Variants in THSD7B observed in about 807,000 individuals in gnomAD.
The protein encoded by THSD7B is thrombospondin type 1 domain containing 7B.
In THSD7B, 138 loss-of-function variants were observed where a neutral mutation model predicts 213.6. That is an observed-to-expected ratio of 0.65 (90% CI 0.56 to 0.74). The LOEUF (loss-of-function observed/expected upper bound fraction) is 0.74. Among genes scored for constraint, THSD7B ranks in the 30% least tolerant of loss-of-function variants. The pLI, the probability that THSD7B is intolerant of heterozygous loss-of-function variation, is 0.00. For synonymous variants in THSD7B, 742 were observed against 687.0 expected, an observed-to-expected ratio of 1.08 and a Z score of -1.25; for missense variants, 1,931 against 1,991.5, an observed-to-expected ratio of 0.97 and a Z score of 0.58.
rs1680348002 is a variant in THSD7B, at chr2:137,175,813, T to A, written c.1723+4875T>A. Among the ~76,000 whole-genome samples the A allele has an allele frequency of 3.3e-5, 5 of 152,318 alleles. No homozygotes were observed. In the South Asian group the frequency reaches 1.0e-3, roughly 32 times the overall value. Reference sequence around the variant, plus strand: ...CGTCTGTGATTGGAGTTGAAAGTTTTGTTTTGTTTGTTTGTTTTATTTTTA... The same window carrying A: ...CGTCTGTGATTGGAGTTGAAAGTTTAGTTTTGTTTGTTTGTTTTATTTTTA... On this transcript the variant is annotated intron_variant, in intron 7 of 27. Coordinates refer to ENST00000409968, the MANE Select transcript of THSD7B (RefSeq NM_001316349.2).
At chr2:136,947,655 C>T (rs13429896) in intron 2 of THSD7B, among the ~76,000 whole-genome samples, 11,283 of 152,258 alleles carry the variant, frequency 0.074, 677 homozygotes, top group African/African-American at 0.16. Flanking sequence ...CTTCTGTCTG[C>T]CACAGGTGAC....
At chr2:137,051,295 G>A (rs969383440) in intron 2 of THSD7B, among the ~76,000 whole-genome samples, 5 of 152,110 alleles carry the variant, frequency 3.3e-5, no homozygotes, top group African/African-American at 7.2e-5. Context: ...TACACTACTC[G>A]TCAAGTAACA....
chr2:137,313,835 C>T (rs972721784), intron 12 of THSD7B, among the ~76,000 whole-genome samples: 36 of 152,204 alleles, frequency 2.4e-4, no homozygotes, highest in African/African-American at 8.4e-4. Flanking sequence ...AATATTGGCC[C>T]CCGCTCTCTT....
At chr2:137,248,687 A>G (rs979317768) in intron 10 of THSD7B, among the ~76,000 whole-genome samples, 14 of 152,122 alleles carry the variant, frequency 9.2e-5, no homozygotes, top group South Asian at 4.2e-4. Flanking sequence ...AACCATCCAC[A>G]CCTTTGTTCA....
chr2:137,102,211 T>A (rs934887412), intron 4 of THSD7B, among the ~76,000 whole-genome samples: 1 of 152,222 alleles, frequency 6.6e-6, no homozygotes, highest in Non-Finnish European at 1.5e-5. Flanking sequence ...AGCAATCTGC[T>A]GTTCTGCAGC....
intron 3 of THSD7B, among the ~76,000 whole-genome samples, chr2:137,078,590 T>C (rs750511929): frequency 5.3e-5 from 8 of 152,148 alleles, no homozygotes; most frequent in African/African-American, 9.6e-5. Flanking sequence ...TATTTTTATA[T>C]TCTTTACCTC....
At chr2:137,441,403 A>G (rs1241977934) in intron 14 of THSD7B, among the ~76,000 whole-genome samples, 1 of 152,074 alleles carries the variant, frequency 6.6e-6, no homozygotes, top group Non-Finnish European at 1.5e-5. Context: ...TTGACTTATA[A>G]ACATTTGGGG....
At chr2:137,579,152 C>G (rs1681523569) in intron 17 of THSD7B, among the ~76,000 whole-genome samples, 1 of 152,074 alleles carries the variant, frequency 6.6e-6, no homozygotes, top group Non-Finnish European at 1.5e-5. Context: ...ATTTTATTTT[C>G]AAAATGGTAG....
At chr2:137,630,654 C>T (rs2104851938) in intron 20 of THSD7B, among the ~76,000 whole-genome samples, 1 of 152,240 alleles carries the variant, frequency 6.6e-6, no homozygotes, top group Non-Finnish European at 1.5e-5. Context: ...TCTTAAGAGA[C>T]CAAATTGTGG....
rs527878077 is a variant in THSD7B, at chr2:137,427,306, C to A, written c.2959+15434C>A. Among the ~76,000 whole-genome samples, 3 of 151,904 alleles carry A rather than the reference C, an allele frequency of 2.0e-5. No individual in the cohort carries two copies. The East Asian group carries it at 5.8e-4, about 29-fold the overall frequency. On this transcript the variant is annotated intron_variant, in intron 14 of 27. Transcript: ENST00000409968. ...AACTTTGTGGTATAATTCCCCCTTC[C>A]AAAAAAATAAAATAAAATCACTATC...
chr2:137,669,685 T>C (rs374157499), intron 27 of THSD7B, among the ~76,000 whole-genome samples: 144 of 152,190 alleles, frequency 9.5e-4, no homozygotes, highest in African/African-American at 3.4e-3. Context: ...GGTAATTAGA[T>C]AGTCTATCGG....
chr2:136,819,843 G>A (rs1320627329), intron 1 of THSD7B, among the ~76,000 whole-genome samples: 1 of 151,316 alleles, frequency 6.6e-6, no homozygotes, highest in African/African-American at 2.4e-5. Context: ...TACTCTCCTC[G>A]TTGCTTAGAT....
chr2:137,511,630 TCTTA>T (rs1679962674), intron 15 of THSD7B, among the ~76,000 whole-genome samples: 1 of 152,174 alleles, frequency 6.6e-6, no homozygotes, highest in Non-Finnish European at 1.5e-5. Context: ...TATGCTAACC[TCTTA>T]CTTACTGGGT....
chr2:136,937,824 A>G (rs981245028), intron 2 of THSD7B, among the ~76,000 whole-genome samples: 8 of 152,122 alleles, frequency 5.3e-5, no homozygotes, highest in African/African-American at 1.4e-4. Context: ...AGTTGAAGAG[A>G]TTTTGAGTGG....
At chr2:136,969,865 A>G (rs1158663445) in intron 2 of THSD7B, among the ~76,000 whole-genome samples, 3 of 152,222 alleles carry the variant, frequency 2.0e-5, no homozygotes, top group Admixed American at 6.5e-5. Flanking sequence ...AATGTGTAAT[A>G]TAATTAGACA....
intron 2 of THSD7B, among the ~76,000 whole-genome samples, chr2:136,974,377 T>G: frequency 6.6e-6 from 1 of 151,202 alleles, no homozygotes; most frequent in Admixed American, 6.6e-5. Context: ...AGGCCCCAGA[T>G]TGTGTTGTTC....
chr2:137,553,869 G>A (rs1204703923), intron 15 of THSD7B, among the ~76,000 whole-genome samples: 1 of 152,188 alleles, frequency 6.6e-6, no homozygotes, highest in Non-Finnish European at 1.5e-5. Flanking sequence ...AGACTGACAT[G>A]AGAAGGAATT....
chr2:137,305,464 C>T (rs1683719764), intron 12 of THSD7B, among the ~76,000 whole-genome samples: 1 of 152,086 alleles, frequency 6.6e-6, no homozygotes, highest in South Asian at 2.1e-4. Flanking sequence ...AATTGAAACT[C>T]ATGTCCATTC....
intron 15 of THSD7B, among the ~76,000 whole-genome samples, chr2:137,536,646 A>G (rs955781059): frequency 6.6e-6 from 1 of 151,656 alleles, no homozygotes; most frequent in Non-Finnish European, 1.5e-5. Flanking sequence ...TTTATTTAAC[A>G]AGAGACTAAG....
Sources: allele counts gnomAD v4.1 joint callset (sites outside exome capture counted in the v4.1 genomes callset), GRCh38; gene constraint gnomAD v4.1.1; transcripts MANE v1.5; gene names NCBI Gene and HGNC (gene_info 2026-07-23, HGNC 2026-07-21).